Variants in ASTN2 observed in about 807,000 individuals in gnomAD.
ASTN2 encodes the protein astrotactin 2, also known as astrotactin-2.
Under a neutral mutation model 139.8 loss-of-function variants are expected in ASTN2, and 54 were observed. That is an observed-to-expected ratio of 0.39 (90% CI 0.31 to 0.48). The LOEUF (loss-of-function observed/expected upper bound fraction) is 0.48. ASTN2 is among the 20% of genes least tolerant of loss of function. The probability of loss-of-function intolerance (pLI) is 0.95; values close to 1 mark genes in which losing one functional copy is unlikely to be tolerated. For missense variants in ASTN2, 1,565 were observed against 1,725.1 expected, an observed-to-expected ratio of 0.91 and a Z score of 1.64; for synonymous variants, 756 against 719.5, an observed-to-expected ratio of 1.05 and a Z score of -0.81.
chr9:116,521,410 T>G (rs1373017775), intron 19 of ASTN2, among the ~76,000 whole-genome samples: 1 of 152,068 alleles, frequency 6.6e-6, no homozygotes, highest in African/African-American at 2.4e-5. Context: ...GACACCCTAT[T>G]CAGTAAATGG....
chr9:117,061,184 T>C (rs932195377), intron 5 of ASTN2, among the ~76,000 whole-genome samples: 6 of 149,078 alleles, frequency 4.0e-5, no homozygotes, highest in South Asian at 4.2e-4. Flanking sequence ...TATTTATTTA[T>C]TTTAAAGAAT....
At chr9:116,794,943 T>G (rs1191750639) in intron 13 of ASTN2, among the ~76,000 whole-genome samples, 1 of 152,160 alleles carries the variant, frequency 6.6e-6, no homozygotes, top group Non-Finnish European at 1.5e-5. Flanking sequence ...GGCACTTCTA[T>G]GCTTATCGTT....
At chr9:116,949,449 A>G (rs1318403686) in intron 10 of ASTN2, among the ~76,000 whole-genome samples, 1 of 152,060 alleles carries the variant, frequency 6.6e-6, no homozygotes, top group Non-Finnish European at 1.5e-5. Context: ...TCTTTGTTAA[A>G]TGATGAAATC....
At chr9:116,567,357 C>A (rs73655409) in intron 19 of ASTN2, among the ~76,000 whole-genome samples, 1 of 152,096 alleles carries the variant, frequency 6.6e-6, no homozygotes, top group African/African-American at 2.4e-5. Flanking sequence ...CTGGGTGGCA[C>A]CCTTGACAGC....
chr9:116,748,699 G>A (rs1829318180), intron 13 of ASTN2, among the ~76,000 whole-genome samples: 2 of 152,134 alleles, frequency 1.3e-5, no homozygotes, highest in East Asian at 1.9e-4. Context: ...GGGTGAAGGC[G>A]ACTGACTCTC....
chr9:117,223,838 C>G (rs138741950), intron 2 of ASTN2, among the ~76,000 whole-genome samples: 1,982 of 152,134 alleles, frequency 0.013, 19 homozygotes, highest in South Asian at 0.039. Context: ...ATACGGTGAC[C>G]TATTTAAGAA....
intron 19 of ASTN2, chr9:116,612,877 C>A (rs1294376308): frequency 7.1e-6 from 1 of 141,252 alleles, no homozygotes; most frequent in East Asian, 2.0e-4. Context: ...GAGAGCAGAA[C>A]TGAAGGAGAT....
intron 22 of ASTN2, among the ~76,000 whole-genome samples, chr9:116,426,592 C>T (rs188276322): frequency 2.0e-4 from 31 of 152,264 alleles, no homozygotes; most frequent in African/African-American, 6.7e-4. Context: ...AGGCAAACAT[C>T]GAGTCAGCCA....
intron 10 of ASTN2, among the ~76,000 whole-genome samples, chr9:116,954,241 G>A (rs1386564546): frequency 6.6e-6 from 1 of 152,172 alleles, no homozygotes; most frequent in Non-Finnish European, 1.5e-5. Flanking sequence ...CACAATGTTA[G>A]TGAATGGCAG....
chr9:117,271,659 C>T (rs570353757), intron 2 of ASTN2, among the ~76,000 whole-genome samples: 124 of 152,300 alleles, frequency 8.1e-4, no homozygotes, highest in Middle Eastern at 3.4e-3. Context: ...CGGGTAAACA[C>T]GGCTGTTCCA....
intron 5 of ASTN2, among the ~76,000 whole-genome samples, chr9:117,073,550 C>T (rs542228063): frequency 1.3e-5 from 2 of 152,298 alleles, no homozygotes; most frequent in South Asian, 2.1e-4. Flanking sequence ...TTTCTCCCAA[C>T]AGACTGTAGA....
At chr9:117,176,596 T>C (rs10739484) in intron 3 of ASTN2, among the ~76,000 whole-genome samples, 63,626 of 151,886 alleles carry the variant, frequency 0.42, 13,415 homozygotes, top group Non-Finnish European at 0.44. Flanking sequence ...AAGATAGATA[T>C]GAGGATGTAA....
rs868622956 is a variant in ASTN2 at position 116,761,502 on chromosome 9, A to G, written c.2397-27979T>C. Among the ~76,000 whole-genome samples, 5 of 152,294 alleles carry G rather than the reference A, an allele frequency of 3.3e-5. No homozygotes were observed. The Middle Eastern group carries it at 0.014, about 414-fold the overall frequency. The stretch of plus-strand genomic sequence containing the variant: ...TCCTGGAGGAGTTGGCGGACTCCTG[A>G]TGTCAATCAAGAATGAATCAGAGTA... On this transcript the variant is annotated intron_variant, in intron 13 of 22. Transcript: ENST00000313400.
chr9:116,806,783 A>G lies in ASTN2; in HGVS notation c.2208-963T>C, dbSNP rs73655494. ...AGGATGCTATAAGGTCACATGATAC[A>G]TTGGCCACAAAAAAAACAGGAATTG... On this transcript the variant is annotated intron_variant, in intron 12 of 22. Transcript: ENST00000313400. Among the ~76,000 whole-genome samples, 587 of 152,260 alleles carry G rather than the reference A, an allele frequency of 3.9e-3. 4 individuals carry two copies. Among genetic ancestry groups the G allele is most frequent in the African/African-American group, 0.013 (549 of 41,532 alleles).
chr9:117,312,913 T>C (rs1022411998), intron 1 of ASTN2, among the ~76,000 whole-genome samples: 2 of 152,176 alleles, frequency 1.3e-5, no homozygotes, highest in African/African-American at 4.8e-5. Flanking sequence ...ATCAAGGCCA[T>C]GTGGGTGCCC....
chr9:116,492,122 C>A (rs1436248970), intron 19 of ASTN2, among the ~76,000 whole-genome samples: 1 of 150,482 alleles, frequency 6.6e-6, no homozygotes, highest in Non-Finnish European at 1.5e-5. Flanking sequence ...TTCTCTATTG[C>A]CCAGGCTGGA....
At chr9:116,946,931 T>C (rs1835411838) in intron 10 of ASTN2, among the ~76,000 whole-genome samples, 1 of 85,958 alleles carries the variant, frequency 1.2e-5, no homozygotes, top group African/African-American at 4.8e-5. Flanking sequence ...AGTACACATT[T>C]TTGTCAAAAA....
intron 20 of ASTN2, among the ~76,000 whole-genome samples, chr9:116,463,469 C>A (rs971845269): frequency 3.3e-5 from 5 of 152,186 alleles, no homozygotes; most frequent in Non-Finnish European, 7.3e-5. Flanking sequence ...TTCAGCAATA[C>A]CAAACAACAT....
Position 117,246,700 on chromosome 9 carries a change from T to C in ASTN2, c.631-31958A>G, listed in dbSNP as rs182352228. On this transcript the variant is annotated intron_variant, in intron 2 of 22. Transcript: ENST00000313400. ...GTGTCTGATGCATTTCTTCACTTAATTCACTAAATATTTACTGAGCATCTA... is the reference window on the plus strand; with the variant it reads ...GTGTCTGATGCATTTCTTCACTTAACTCACTAAATATTTACTGAGCATCTA... Among the ~76,000 whole-genome samples, 106 of 152,266 alleles carry C rather than the reference T, an allele frequency of 7.0e-4. 1 individual carries two copies. The highest frequency in any genetic ancestry group is 1.3e-3 in the Non-Finnish European group (91 of 68,014).
Sources: gnomAD v4.1 joint callset for allele counts (sites outside exome capture counted in the v4.1 genomes callset) on GRCh38, gnomAD v4.1.1 for gene constraint, MANE v1.5 for transcripts, NCBI Gene and HGNC (gene_info 2026-07-23, HGNC 2026-07-21) for gene names.